Variants in PCDHGB6 observed in about 807,000 individuals in gnomAD.
PCDHGB6 encodes protocadherin gamma subfamily B, 6.
PCDHGB6 carries 51 observed loss-of-function variants against 59.1 expected under a neutral mutation model. The observed-to-expected ratio is 0.86, with a 90% CI of 0.69 to 1.09. The LOEUF is 1.09. PCDHGB6 is among the 50% of genes least tolerant of loss of function. The pLI, the probability that PCDHGB6 is intolerant of heterozygous loss-of-function variation, is 0.00. For missense variants in PCDHGB6, 1,148 were observed against 1,205.1 expected (o/e 0.95, Z 0.70); for synonymous variants, 466 against 495.1 (o/e 0.94, Z 0.78).
At chr5:141,496,583 C>A (rs990137003) in intron 2 of PCDHGB6, among the ~76,000 whole-genome samples, 1 of 152,168 alleles carries the variant, frequency 6.6e-6, no homozygotes, top group African/African-American at 2.4e-5. Flanking sequence ...TTTAGGAACG[C>A]AAAGCGCTTC....
intron 1 of PCDHGB6, chr5:141,419,230 C>G (rs1439568232): frequency 6.2e-7 from 1 of 1,613,910 alleles, no homozygotes; most frequent in Non-Finnish European, 8.5e-7. Context: ...AGTCAGCCTA[C>G]CTGGTCCACG....
chr5:141,509,155 C>G (rs981661695), intron 3 of PCDHGB6, among the ~76,000 whole-genome samples: 3 of 152,202 alleles, frequency 2.0e-5, no homozygotes, highest in Non-Finnish European at 4.4e-5. Flanking sequence ...GCTCTCCCCT[C>G]CCGTGTGCCC....
In PCDHGB6 at chr5:141,491,681, C is replaced by A; in HGVS notation, c.2419-3126C>A. The A allele has an allele frequency of 6.2e-7, 1 of 1,613,458 alleles. No individual in the cohort carries two copies. Among genetic ancestry groups the A allele is most frequent in the Non-Finnish European group, 8.5e-7 (1 of 1,179,804 alleles). ...GACGCCATCCGGTCCCGCTCTAATA[C>A]GCTGCGGGAGCGGAGCCAGGTGAGG... On this transcript the variant is annotated intron_variant, in intron 1 of 3. Coordinates refer to ENST00000520790, the MANE Select transcript of PCDHGB6 (RefSeq NM_018926.3). This position sits in a 1 kb window ranked among gnomAD's most constrained non-coding sequence, Gnocchi z 6.9.
intron 2 of PCDHGB6, among the ~76,000 whole-genome samples, chr5:141,502,238 T>A (rs2099813398): frequency 6.6e-6 from 1 of 152,204 alleles, no homozygotes; most frequent in Non-Finnish European, 1.5e-5. Flanking sequence ...TGTGTTCTTT[T>A]ATCCTTTTTT....
At position 141,486,392 on chromosome 5, in the gene PCDHGB6, C is replaced by T; in HGVS notation, c.2419-8415C>T. ...GTCTGCCTTCAGGAACCAGTTCTCC[C>T]TGGTGACTGCTGGACCCTTGGATCG... On this transcript the variant is annotated intron_variant, in intron 1 of 3. Coordinates refer to ENST00000520790, the MANE Select transcript of PCDHGB6 (RefSeq NM_018926.3). The surrounding 1 kb of genome is among the most constrained non-coding windows in gnomAD (Gnocchi z 5.0). 1 of 1,614,170 alleles carries T rather than the reference C, an allele frequency of 6.2e-7. No individual in the cohort carries two copies. Among genetic ancestry groups the T allele is most frequent in the Non-Finnish European group, 8.5e-7 (1 of 1,180,014 alleles).
chr5:141,481,691 C>T (rs929210528), intron 1 of PCDHGB6, among the ~76,000 whole-genome samples: 7 of 152,080 alleles, frequency 4.6e-5, no homozygotes, highest in African/African-American at 1.4e-4. Flanking sequence ...TGGTGGCTCA[C>T]GCCTGTAATC....
In PCDHGB6 at chr5:141,485,051, CCGAACCGCG is replaced by C. The variant is rs2099605816; in HGVS notation, c.2419-9754_2419-9746del. On this transcript the variant is annotated intron_variant, in intron 1 of 3. Coordinates refer to ENST00000520790, the MANE Select transcript of PCDHGB6 (RefSeq NM_018926.3). This position sits in a 1 kb window ranked among gnomAD's most constrained non-coding sequence, Gnocchi z 5.7. ...CGGCGCGTAACCCTTGCGGCGCCGG[CCGAACCGCG>C]CCAGAGCTGGCGCGGGGAAAGGGAG... 1.2e-6 allele frequency: 1 copy of C among 801,304 alleles called. No individual in the cohort carries two copies. Among genetic ancestry groups the C allele is most frequent in the East Asian group, 2.5e-5 (1 of 40,224 alleles). 49.6% of individuals were successfully genotyped at this position (801,304 alleles called of 1,614,324 possible). A position where few individuals can be genotyped will look rare whatever the true frequency, so the allele number is the denominator to read the frequency against.
intron 1 of PCDHGB6, among the ~76,000 whole-genome samples, chr5:141,435,710 C>T (rs1033703743): frequency 1.3e-5 from 2 of 152,148 alleles, no homozygotes; most frequent in Admixed American, 6.5e-5. Flanking sequence ...TGGTTACAGA[C>T]ACTGAATGCT....
chr5:141,505,634 A>T, intron 3 of PCDHGB6, 153 bp downstream of exon 3: 6 of 971,426 alleles, frequency 6.2e-6, no homozygotes, highest in Non-Finnish European at 7.3e-6. Context: ...CCAAACATAA[A>T]GCCTGGAATT....
At position 141,489,335 on chromosome 5, in the gene PCDHGB6, G is replaced by C. The variant is rs138015049; in HGVS notation, c.2419-5472G>C. 1.4e-5 allele frequency: 22 copies of C among 1,607,364 alleles called. No individual in the cohort carries two copies. Among genetic ancestry groups the C allele is most frequent in the Non-Finnish European group, 1.9e-5 (22 of 1,175,842 alleles). The stretch of plus-strand genomic sequence containing the variant: ...TGGGGCTGGGTGTCTGGGCAGCTTC[G>C]TTACTCAGTGGTGGAGGAGTCTGAG... On this transcript the variant is annotated intron_variant, in intron 1 of 3. Transcript: ENST00000520790. This position sits in a 1 kb window ranked among gnomAD's most constrained non-coding sequence, Gnocchi z 4.5.
intron 1 of PCDHGB6, chr5:141,422,369 G>A (rs890803753): frequency 6.4e-7 from 1 of 1,566,400 alleles, no homozygotes; most frequent in Non-Finnish European, 8.6e-7. Flanking sequence ...GGAGAAAATG[G>A]TCAAGTCTCC....
chr5:141,510,568 G>C (rs2099881703), intron 3 of PCDHGB6, among the ~76,000 whole-genome samples: 1 of 152,100 alleles, frequency 6.6e-6, no homozygotes, highest in Non-Finnish European at 1.5e-5. Context: ...CATCTACCAG[G>C]CACTATTTTA....
intron 1 of PCDHGB6, chr5:141,415,449 C>G: frequency 6.2e-7 from 1 of 1,614,182 alleles, no homozygotes; most frequent in Admixed American, 1.7e-5. Context: ...AGACCTATTC[C>G]CACGAGGTCT....
At chr5:141,436,256 C>T (rs953463822) in intron 1 of PCDHGB6, among the ~76,000 whole-genome samples, 1 of 152,100 alleles carries the variant, frequency 6.6e-6, no homozygotes, top group South Asian at 2.1e-4. Context: ...TTATTCTGAC[C>T]TCTGCTCACC....
At chr5:141,475,329 A>G (rs1229101617) in intron 1 of PCDHGB6, among the ~76,000 whole-genome samples, 1 of 152,266 alleles carries the variant, frequency 6.6e-6, no homozygotes, top group Non-Finnish European at 1.5e-5. Context: ...AATGAGAGCT[A>G]ACAATGACAT....
Position 141,490,748 on chromosome 5 carries a change from C to A in PCDHGB6, c.2419-4059C>A. 3.1e-6 allele frequency: 5 copies of A among 1,614,168 alleles called. No individual in the cohort carries two copies. Among genetic ancestry groups the A allele is most frequent in the Non-Finnish European group, 3.4e-6 (4 of 1,180,006 alleles). ...GGAAATCAGGTTCAGGGAGCCCCAGCCTCCTCCTTTGTGTATGTCAACCCA... is the reference window on the plus strand; with the variant it reads ...GGAAATCAGGTTCAGGGAGCCCCAGACTCCTCCTTTGTGTATGTCAACCCA... On this transcript the variant is annotated intron_variant, in intron 1 of 3. Transcript: ENST00000520790. This position sits in a 1 kb window ranked among gnomAD's most constrained non-coding sequence, Gnocchi z 5.4.
chr5:141,413,895 T>A (rs749075692), intron 1 of PCDHGB6: 2 of 1,613,308 alleles, frequency 1.2e-6, no homozygotes, highest in South Asian at 2.2e-5. Flanking sequence ...TCGATGCAAA[T>A]GACAACGCGC....
Position 141,486,601 on chromosome 5 carries a change from C to A in PCDHGB6, c.2419-8206C>A, listed in dbSNP as rs770685748. On this transcript the variant is annotated intron_variant, in intron 1 of 3. Transcript: ENST00000520790. The surrounding 1 kb of genome is among the most constrained non-coding windows in gnomAD (Gnocchi z 5.0). ...ATCGCCCAGGGGACCTGCTTTGCTCCCTTGCAGCCTCTGACCCAGACTCTG... is the reference window on the plus strand; with the variant it reads ...ATCGCCCAGGGGACCTGCTTTGCTCACTTGCAGCCTCTGACCCAGACTCTG... The A allele has an allele frequency of 1.9e-6, 3 of 1,613,558 alleles. No homozygotes were observed. The highest frequency in any genetic ancestry group is 3.3e-5 in the Admixed American group (2 of 60,026).
intron 1 of PCDHGB6, among the ~76,000 whole-genome samples, chr5:141,466,735 T>C (rs2099128254): frequency 6.6e-6 from 1 of 152,224 alleles, no homozygotes; most frequent in South Asian, 2.1e-4. Context: ...GCAGAATTCA[T>C]GTTACTCTGA....
Sources: gnomAD v4.1 joint callset for allele counts (sites outside exome capture counted in the v4.1 genomes callset) on GRCh38, gnomAD v4.1.1 for gene constraint, Gnocchi (gnomAD v3.1) non-coding constraint, MANE v1.5 for transcripts, NCBI Gene and HGNC (gene_info 2026-07-23, HGNC 2026-07-21) for gene names.